Variants in RNF216 observed in about 807,000 individuals in gnomAD.
RNF216 encodes the protein ring finger protein 216.
RNF216 carries 72 observed loss-of-function variants against 110.8 expected under a neutral mutation model. That is an observed-to-expected ratio of 0.65 (90% CI 0.54 to 0.79). RNF216 has a LOEUF of 0.79. Among genes scored for constraint, RNF216 ranks in the 30% least tolerant of loss-of-function variants. RNF216 has a pLI of 0.00. For missense variants in RNF216, 1,342 were observed against 1,141.2 expected (o/e 1.18, Z -2.54); for synonymous variants, 495 against 407.5 (o/e 1.21, Z -2.59).
chr7:5,759,649 T>TTTTTTTTG (rs1795830044), intron 2 of RNF216, among the ~76,000 whole-genome samples: 1 of 149,882 alleles, frequency 6.7e-6, no homozygotes, highest in Admixed American at 6.7e-5. Flanking sequence ...TTTTTTTTTT[T>TTTTTTTTG]GAGACGGAGT....
chr7:5,710,360 A>C (rs1470617902), intron 13 of RNF216, among the ~76,000 whole-genome samples: 2 of 150,104 alleles, frequency 1.3e-5, no homozygotes, highest in African/African-American at 5.0e-5. Flanking sequence ...ACCCTGCCTC[A>C]AAACTTAAAA....
chr7:5,778,187 C>A (rs1796887603), intron 1 of RNF216, among the ~76,000 whole-genome samples: 1 of 152,194 alleles, frequency 6.6e-6, no homozygotes, highest in East Asian at 1.9e-4. Flanking sequence ...CATAGCGGGC[C>A]TTACCTCATA....
At chr7:5,688,660 T>C (rs892738086) in intron 13 of RNF216, among the ~76,000 whole-genome samples, 18 of 152,240 alleles carry the variant, frequency 1.2e-4, no homozygotes, top group African/African-American at 4.3e-4. Flanking sequence ...CACCTTACCT[T>C]GCTTTACACA....
chr7:5,715,944 C>T (rs1013849586), intron 10 of RNF216, among the ~76,000 whole-genome samples: 22 of 151,902 alleles, frequency 1.4e-4, no homozygotes, highest in African/African-American at 3.1e-4. Context: ...GGTTTCACCA[C>T]GTTGACCAGG....
At chr7:5,627,745 A>T (rs1281105876) in intron 15 of RNF216, among the ~76,000 whole-genome samples, 4 of 138,586 alleles carry the variant, frequency 2.9e-5, no homozygotes, top group African/African-American at 1.1e-4. Flanking sequence ...GACTCTGTCT[A>T]AAAAAAAAAA....
chr7:5,624,130 A>C lies in RNF216; in HGVS notation c.2383-5T>G. On this transcript the variant is annotated splice_polypyrimidine_tract_variant and splice_region_variant and intron_variant, in intron 15 of 16. Coordinates refer to ENST00000389902, the MANE Select transcript of RNF216 (RefSeq NM_207111.4). This position sits in a 1 kb window ranked among gnomAD's most constrained non-coding sequence, Gnocchi z 4.4. ...AATAAGCTTCTCATCATCTTCCTAA[A>C]ACGCAAGCAATGAGAAGGATGAACC... is the stretch of plus-strand genomic sequence containing the variant. 6.2e-7 allele frequency: 1 copy of C among 1,612,404 alleles called. No homozygotes were observed. Among genetic ancestry groups the C allele is most frequent in the Non-Finnish European group, 8.5e-7 (1 of 1,179,272 alleles).
At chr7:5,738,479 C>T (rs930707453) in intron 5 of RNF216, among the ~76,000 whole-genome samples, 7 of 151,984 alleles carry the variant, frequency 4.6e-5, no homozygotes, top group East Asian at 1.9e-4. Context: ...GAGGCCGAGG[C>T]GGGTGGATCA....
At chr7:5,726,651 T>C (rs1222870630) in intron 7 of RNF216, among the ~76,000 whole-genome samples, 1 of 151,868 alleles carries the variant, frequency 6.6e-6, no homozygotes, top group Non-Finnish European at 1.5e-5. Context: ...TGAGGTCAGG[T>C]GTTCAAGACC....
At chr7:5,705,231 C>T (rs564753351) in intron 13 of RNF216, among the ~76,000 whole-genome samples, 4 of 152,260 alleles carry the variant, frequency 2.6e-5, no homozygotes, top group Admixed American at 1.3e-4. Context: ...TGTAAAAACA[C>T]GTACACACTG....
rs199956340 is a variant in RNF216 at position 5,663,931 on chromosome 7, C to CA, written c.2062-11422dup. Among the ~76,000 whole-genome samples the CA allele has an allele frequency of 9.5e-3, 1,431 of 150,788 alleles. 27 individuals are homozygous for CA. The highest frequency in any genetic ancestry group is 0.033 in the African/African-American group (1,369 of 41,148). ...AAAACAAAACAAAAAAACCCCAAAA[C>CA]AAAAAAAAAGTTCACTTGAGTGCCT... On this transcript the variant is annotated intron_variant, in intron 13 of 16. Transcript: ENST00000389902.
At chr7:5,701,085 A>G (rs185237749) in intron 13 of RNF216, among the ~76,000 whole-genome samples, 1 of 152,234 alleles carries the variant, frequency 6.6e-6, no homozygotes, top group Admixed American at 6.5e-5. Flanking sequence ...GAGAGTGCAG[A>G]CCCTGAGAGT....
chr7:5,648,559 A>G (rs1788187213), intron 14 of RNF216, among the ~76,000 whole-genome samples: 1 of 151,582 alleles, frequency 6.6e-6, no homozygotes, highest in African/African-American at 2.4e-5. Flanking sequence ...CCCCGTCTCT[A>G]CTAAAAATAC....
At chr7:5,748,611 T>TAA (rs977218290) in intron 3 of RNF216, among the ~76,000 whole-genome samples, 1 of 143,054 alleles carries the variant, frequency 7.0e-6, no homozygotes, top group African/African-American at 2.6e-5. Flanking sequence ...TTTATATACA[T>TAA]ACACACACAC....
chr7:5,772,332 T>C (rs554902406), intron 1 of RNF216, among the ~76,000 whole-genome samples: 11 of 152,312 alleles, frequency 7.2e-5, no homozygotes, highest in East Asian at 3.9e-4. Context: ...AATTCTTACA[T>C]AGTAACAGAA....
chr7:5,622,745 A>T lies in RNF216; in HGVS notation c.*115T>A. The T allele has an allele frequency of 9.5e-7, 1 of 1,050,006 alleles. No homozygotes were observed. The highest frequency in any genetic ancestry group is 1.4e-6 in the Non-Finnish European group (1 of 728,798). 65.0% of individuals were successfully genotyped at this position (1,050,006 alleles called of 1,614,324 possible). ...AAAGGGGTGGGAAGAAAACCAGCCT[A>T]CCCTTCAAGCTGACTTAGGATGCAA... On this transcript the variant is annotated 3_prime_UTR_variant, in exon 17 of 17. Coordinates refer to ENST00000389902, the MANE Select transcript of RNF216 (RefSeq NM_207111.4).
chr7:5,772,049 CA>C (rs1161414535), intron 1 of RNF216, among the ~76,000 whole-genome samples: 1 of 152,136 alleles, frequency 6.6e-6, no homozygotes, highest in African/African-American at 2.4e-5. Context: ...GCCTGACCAA[CA>C]TGGAGAAACC....
At chr7:5,752,403 T>G (rs1446838118) in intron 3 of RNF216, among the ~76,000 whole-genome samples, 2 of 152,184 alleles carry the variant, frequency 1.3e-5, no homozygotes, top group African/African-American at 4.8e-5. Flanking sequence ...AATTGCTCTA[T>G]AAATATAACA....
chr7:5,775,695 C>T (rs1796736106), intron 1 of RNF216, among the ~76,000 whole-genome samples: 1 of 152,098 alleles, frequency 6.6e-6, no homozygotes, highest in East Asian at 1.9e-4. Context: ...CACGGTAAAA[C>T]CTGTCTCTAC....
chr7:5,711,194 A>T (rs1234771510), intron 13 of RNF216, among the ~76,000 whole-genome samples: 1 of 152,240 alleles, frequency 6.6e-6, no homozygotes, highest in Non-Finnish European at 1.5e-5. Flanking sequence ...CTTAGTTCAC[A>T]GGGCGCCAAG....
Sources: allele counts gnomAD v4.1 joint callset (sites outside exome capture counted in the v4.1 genomes callset), GRCh38; gene constraint gnomAD v4.1.1; non-coding constraint Gnocchi (gnomAD v3.1); transcripts MANE v1.5; gene names NCBI Gene and HGNC (gene_info 2026-07-23, HGNC 2026-07-21).